The following CABIN1 variants were observed in gnomAD, a reference collection of about 807,000 sequenced individuals.
The protein encoded by CABIN1 is calcineurin binding protein 1, also known as calcineurin-binding protein cabin-1.
CABIN1 carries 133 observed loss-of-function variants against 227.7 expected under a neutral mutation model. The observed-to-expected ratio is 0.58, with a 90% CI of 0.51 to 0.67. CABIN1 has a LOEUF of 0.67. CABIN1 is among the 30% of genes least tolerant of loss of function. The probability of loss-of-function intolerance (pLI) is 0.00; values close to 1 mark genes in which losing one functional copy is unlikely to be tolerated. For synonymous variants in CABIN1, 1,086 were observed against 1,155.1 expected (o/e 0.94, Z 1.21); for missense variants, 2,408 against 2,852.5 (o/e 0.84, Z 3.55).
chr22:24,076,245 C>T lies in CABIN1; in HGVS notation c.2709C>T (p.Ser903=), dbSNP rs775799300. Residue 903 remains serine, a synonymous_variant, in exon 19 of 37, where the codon TCC becomes TCT. Transcript: ENST00000263119. Reference sequence around the variant, plus strand: ...CCCACGAGTATTTGGGCAGAAGGTCCTGGTGCTGCAATTCAGATGGGGCTC... The same window carrying T: ...CCCACGAGTATTTGGGCAGAAGGTCTTGGTGCTGCAATTCAGATGGGGCTC... The part of the protein sequence containing the change: ...NTAHEYLGRR[S]WCCNSDGALL... 2 of 1,614,146 alleles carry T rather than the reference C, an allele frequency of 1.2e-6. No homozygotes were observed. Among genetic ancestry groups the T allele is most frequent in the Non-Finnish European group, 1.7e-6 (2 of 1,180,026 alleles).
At chr22:24,075,347 G>A (rs1569173005) in intron 18 of CABIN1, among the ~76,000 whole-genome samples, 1 of 152,170 alleles carries the variant, frequency 6.6e-6, no homozygotes, top group Non-Finnish European at 1.5e-5. Context: ...AATACTAAGG[G>A]ACCTTTATAA....
chr22:24,079,839 G>A (rs185706488), intron 19 of CABIN1, among the ~76,000 whole-genome samples: 8 of 151,970 alleles, frequency 5.3e-5, no homozygotes, highest in East Asian at 1.9e-4. Context: ...CCAGTTTTAC[G>A]TGCACATATT....
chr22:24,013,279 C>A (rs976280407), intron 1 of CABIN1, among the ~76,000 whole-genome samples: 2 of 140,942 alleles, frequency 1.4e-5, no homozygotes, highest in African/African-American at 5.4e-5. Flanking sequence ...TCACTGCAAG[C>A]TCCGCCGCCT....
chr22:24,098,921 C>A (rs2042050260), intron 26 of CABIN1, among the ~76,000 whole-genome samples: 1 of 152,198 alleles, frequency 6.6e-6, no homozygotes, highest in Non-Finnish European at 1.5e-5. Flanking sequence ...CTGAAAGACA[C>A]CTGGGCCCTC....
At chr22:24,051,682 C>T (rs986782584) in intron 8 of CABIN1, among the ~76,000 whole-genome samples, 2 of 152,202 alleles carry the variant, frequency 1.3e-5, no homozygotes, top group African/African-American at 2.4e-5. Context: ...CTGGATCAGA[C>T]TGACCTGACC....
intron 1 of CABIN1, among the ~76,000 whole-genome samples, chr22:24,029,085 G>A (rs1476718690): frequency 6.6e-6 from 1 of 152,126 alleles, no homozygotes; most frequent in Non-Finnish European, 1.5e-5. Context: ...GGCCAGGTAC[G>A]GTGGCTCATA....
At position 24,098,088 on chromosome 22, in the gene CABIN1, C is replaced by T; in HGVS notation, c.4013C>T (p.Pro1338Leu). Residue 1338 changes from proline (P) to leucine (L), a missense_variant, in exon 26 of 37, where the codon CCC becomes CTC. Physicochemically the swap from Pro to Leu is moderately conservative, Grantham distance 98. Coordinates refer to ENST00000263119, the MANE Select transcript of CABIN1 (RefSeq NM_012295.4). ...GTLPGPGASL[P>L]SSSGPGLTSP... ...CTGCCGGGCCCCGGAGCCTCCCTCCCCTCCTCCTCTGGCCCAGGTCTGACA... is the reference window on the plus strand; with the variant it reads ...CTGCCGGGCCCCGGAGCCTCCCTCCTCTCCTCCTCTGGCCCAGGTCTGACA... 2 of 1,614,094 alleles carry T rather than the reference C, an allele frequency of 1.2e-6. No homozygotes were observed. Among genetic ancestry groups the T allele is most frequent in the Non-Finnish European group, 1.7e-6 (2 of 1,180,000 alleles).
chr22:24,067,865 T>C (rs2039801105), intron 16 of CABIN1, among the ~76,000 whole-genome samples: 1 of 152,144 alleles, frequency 6.6e-6, no homozygotes, highest in South Asian at 2.1e-4. Flanking sequence ...GCTGTGGAGG[T>C]ACTGCTGTCA....
At chr22:24,057,392 A>G (rs928037460) in intron 10 of CABIN1, among the ~76,000 whole-genome samples, 4 of 152,140 alleles carry the variant, frequency 2.6e-5, no homozygotes, top group Admixed American at 1.3e-4. Flanking sequence ...CTCTCGGCAG[A>G]CACCATTCTT....
At position 24,055,072 on chromosome 22, in the gene CABIN1, G is replaced by C. The variant is rs762448140; in HGVS notation, c.1006G>C (p.Ala336Pro). ...CAGCACCAACCCAGCTGTGGCTGTC[G>C]CCGAGCCTGTGGTCTCCTACACCTC... ...TVSTNPAVAVAEPVVSYTSVA... is the reference protein window; with the variant it reads ...TVSTNPAVAVPEPVVSYTSVA... The change falls in exon 9 of 37, where the codon GCC (alanine) becomes CCC (proline). Residue 336 changes from alanine (A) to proline (P), a missense_variant. Transcript: ENST00000263119. 2 of 1,614,214 alleles carry C rather than the reference G, an allele frequency of 1.2e-6. No individual in the cohort carries two copies. Among genetic ancestry groups the C allele is most frequent in the Admixed American group, 3.3e-5 (2 of 60,032 alleles).
Position 24,064,140 on chromosome 22 carries a change from A to G in CABIN1, c.1990A>G (p.Ile664Val). ...AGGGGCTGAACGAAGAGACATTGTC[A>G]TCCGGCTGCCCAACCTCCATAATGA... ...EAGAERRDIV[I>V]RLPNLHNDSV... The change falls in exon 15 of 37, where the codon ATC (isoleucine) becomes GTC (valine). Residue 664 changes from isoleucine to valine, a missense_variant. Coordinates refer to ENST00000263119, the MANE Select transcript of CABIN1 (RefSeq NM_012295.4). 6.2e-7 allele frequency: 1 copy of G among 1,614,234 alleles called. No individual in the cohort carries two copies.
Position 24,050,815 on chromosome 22 carries a change from A to G in CABIN1, c.657-10A>G, listed in dbSNP as rs1425569063. ...ACATGATAATTTCTCCCTGTCTCAC[A>G]TGCTTTTAGTGACATGTCGATTCAC... On this transcript the variant is annotated splice_polypyrimidine_tract_variant and intron_variant, in intron 7 of 36. Coordinates refer to ENST00000263119, the MANE Select transcript of CABIN1 (RefSeq NM_012295.4). 5 of 1,614,098 alleles carry G rather than the reference A, an allele frequency of 3.1e-6. No individual in the cohort carries two copies. Among genetic ancestry groups the G allele is most frequent in the East Asian group, 4.5e-5 (2 of 44,904 alleles).
rs1260669070 is a variant in CABIN1 at position 24,166,839 on chromosome 22, T to C, written c.5208T>C (p.Asp1736=). The change falls in exon 32 of 37, where the codon GAT becomes GAC. Residue 1736 remains aspartate, a synonymous_variant. Coordinates refer to ENST00000263119, the MANE Select transcript of CABIN1 (RefSeq NM_012295.4). Reference sequence around the variant, plus strand: ...TCAACCACCGGCCTGTGGCCATGGATGCAGGAGACAGTGCAGACCAAAGCG... The same window carrying C: ...TCAACCACCGGCCTGTGGCCATGGACGCAGGAGACAGTGCAGACCAAAGCG... ...GLLNHRPVAM[D]AGDSADQSGE... 1.2e-6 allele frequency: 2 copies of C among 1,612,840 alleles called. No individual in the cohort carries two copies. Among genetic ancestry groups the C allele is most frequent in the Non-Finnish European group, 1.7e-6 (2 of 1,179,946 alleles).
At chr22:24,025,579 T>C (rs2036024141) in intron 1 of CABIN1, among the ~76,000 whole-genome samples, 1 of 152,126 alleles carries the variant, frequency 6.6e-6, no homozygotes, top group South Asian at 2.1e-4. Flanking sequence ...GGTAGCTGAG[T>C]CAAGTTATTC....
chr22:24,116,173 C>CA (rs2043073607), intron 27 of CABIN1, among the ~76,000 whole-genome samples: 3 of 152,026 alleles, frequency 2.0e-5, no homozygotes, highest in African/African-American at 7.3e-5. Flanking sequence ...CTCACCTTTG[C>CA]AGGGGGCAGA....
intron 1 of CABIN1, among the ~76,000 whole-genome samples, chr22:24,020,969 C>G (rs551508572): frequency 6.6e-6 from 1 of 151,812 alleles, no homozygotes; most frequent in Non-Finnish European, 1.5e-5. Flanking sequence ...TCATCTGTCT[C>G]CTCATTTTTT....
chr22:24,143,826 C>T (rs1009596911), intron 29 of CABIN1, among the ~76,000 whole-genome samples: 4 of 152,234 alleles, frequency 2.6e-5, no homozygotes, highest in Admixed American at 6.5e-5. Context: ...TTTCTACCCT[C>T]TGCCCCCTGG....
chr22:24,085,439 G>C (rs2041088861), intron 22 of CABIN1, among the ~76,000 whole-genome samples: 1 of 152,200 alleles, frequency 6.6e-6, no homozygotes, highest in South Asian at 2.1e-4. Context: ...TGGTGTGCAG[G>C]GCAAGGAGGC....
chr22:24,041,744 A>T (rs2037393454), intron 5 of CABIN1, among the ~76,000 whole-genome samples: 1 of 152,180 alleles, frequency 6.6e-6, no homozygotes. Flanking sequence ...GTCTCTGGGC[A>T]CCTCTAAAGC....
Sources: allele counts gnomAD v4.1 joint callset (sites outside exome capture counted in the v4.1 genomes callset), GRCh38; gene constraint gnomAD v4.1.1; transcripts MANE v1.5; gene names NCBI Gene and HGNC (gene_info 2026-07-23, HGNC 2026-07-21).